The following RELCH variants were observed in gnomAD, a reference collection of about 807,000 sequenced individuals.
RELCH encodes RAB11 binding and LisH domain, coiled-coil and HEAT repeat containing.
Under a neutral mutation model 150.3 loss-of-function variants are expected in RELCH, and 41 were observed. That is an observed-to-expected ratio of 0.27 (90% confidence interval 0.21 to 0.35). The LOEUF (loss-of-function observed/expected upper bound fraction) is 0.35, where lower values mean the gene tolerates loss of function less well. Among genes scored for constraint, RELCH ranks in the 10% least tolerant of loss-of-function variants. The probability of loss-of-function intolerance (pLI) is 1.00; values close to 1 mark genes in which losing one functional copy is unlikely to be tolerated. For synonymous variants in RELCH, 478 were observed against 531.8 expected (o/e 0.90, Z 1.39); for missense variants, 1,092 against 1,467.8 (o/e 0.74, Z 4.18).
chr18:62,211,538 T>C (rs901700962), intron 2 of RELCH, among the ~76,000 whole-genome samples: 1 of 152,172 alleles, frequency 6.6e-6, no homozygotes, highest in Non-Finnish European at 1.5e-5. Context: ...CAAGACAAAG[T>C]TGAACCTTAG....
At chr18:62,271,392 T>C (rs1365420718) in intron 20 of RELCH, among the ~76,000 whole-genome samples, 3 of 152,214 alleles carry the variant, frequency 2.0e-5, no homozygotes, top group African/African-American at 4.8e-5. Flanking sequence ...ATGTCTTCTT[T>C]TGAGAAGTGT....
intron 25 of RELCH, among the ~76,000 whole-genome samples, chr18:62,286,366 T>A (rs2145004169): frequency 6.6e-6 from 1 of 152,254 alleles, no homozygotes; most frequent in South Asian, 2.1e-4. Context: ...AGTCAAAAGG[T>A]CCCCTAAAAA....
chr18:62,222,499 A>G (rs2040942730), intron 5 of RELCH, among the ~76,000 whole-genome samples: 1 of 151,892 alleles, frequency 6.6e-6, no homozygotes, highest in Non-Finnish European at 1.5e-5. Flanking sequence ...AAAGAGGAAA[A>G]GAGGAGCAAA....
chr18:62,214,540 C>T (rs994955882), intron 2 of RELCH, among the ~76,000 whole-genome samples: 1 of 152,170 alleles, frequency 6.6e-6, no homozygotes, highest in African/African-American at 2.4e-5. Flanking sequence ...TCCCACAGCT[C>T]CTCTTGACAT....
At chr18:62,243,386 C>G (rs2042246811) in intron 10 of RELCH, among the ~76,000 whole-genome samples, 1 of 152,156 alleles carries the variant, frequency 6.6e-6, no homozygotes, top group Admixed American at 6.5e-5. Context: ...TGCTCTGTCT[C>G]TCATTCCCAG....
At chr18:62,237,425 G>A (rs900297003) in intron 10 of RELCH, among the ~76,000 whole-genome samples, 8 of 151,612 alleles carry the variant, frequency 5.3e-5, no homozygotes, top group African/African-American at 1.2e-4. Flanking sequence ...ATATTCCTTC[G>A]GAGATACTTT....
intron 10 of RELCH, among the ~76,000 whole-genome samples, chr18:62,239,248 A>G (rs2042022275): frequency 1.3e-5 from 2 of 152,072 alleles, no homozygotes; most frequent in South Asian, 4.1e-4. Context: ...CCTGGAAATT[A>G]TAGATATTTA....
chr18:62,264,677 A>G, intron 17 of RELCH, 52 bp from the exon 18 acceptor site: 4 of 1,375,596 alleles, frequency 2.9e-6, no homozygotes, highest in East Asian at 4.6e-5. Context: ...TTGGCAAGGA[A>G]ACAGTAATTT....
In RELCH at chr18:62,191,015, A is replaced by T. The variant is rs553028944; in HGVS notation, c.526+2984A>T. Among the ~76,000 whole-genome samples, 4 of 152,336 alleles carry T rather than the reference A, an allele frequency of 2.6e-5. No individual in the cohort carries two copies. In the South Asian group the frequency reaches 8.3e-4, roughly 32 times the overall value. On this transcript the variant is annotated intron_variant, in intron 1 of 28. Transcript: ENST00000644646. ...GTGTATCTGCCTTCAGCATGTTTTTAAAAGTCATCTATGTCTTTGTGTGTA... is the reference window on the plus strand; with the variant it reads ...GTGTATCTGCCTTCAGCATGTTTTTTAAAGTCATCTATGTCTTTGTGTGTA...
intron 26 of RELCH, among the ~76,000 whole-genome samples, chr18:62,288,473 G>C (rs2044936245): frequency 6.6e-6 from 1 of 151,970 alleles, no homozygotes; most frequent in African/African-American, 2.4e-5. Context: ...AGTTATTTTT[G>C]TTCAGAATAA....
rs866590441 is a variant in RELCH at position 62,267,434 on chromosome 18, A to G, written c.2680+685A>G. Reference sequence around the variant, plus strand: ...ATATATATAGTCTAGGTATATATGTATGTGTGTGTGTGTGTGTGTGTATAG... The same window carrying G: ...ATATATATAGTCTAGGTATATATGTGTGTGTGTGTGTGTGTGTGTGTATAG... On this transcript the variant is annotated intron_variant, in intron 19 of 28. Coordinates refer to ENST00000644646, the MANE Select transcript of RELCH (RefSeq NM_001346231.2). Among the ~76,000 whole-genome samples the G allele has an allele frequency of 2.2e-3, 314 of 143,498 alleles. 3 individuals are homozygous for G. Among genetic ancestry groups the G allele is most frequent in the African/African-American group, 7.7e-3 (298 of 38,844 alleles). 94.1% of individuals were successfully genotyped at this position (143,498 alleles called of 152,430 possible).
intron 10 of RELCH, among the ~76,000 whole-genome samples, chr18:62,240,741 CT>C: frequency 6.6e-6 from 1 of 152,148 alleles, no homozygotes; most frequent in East Asian, 1.9e-4. Context: ...AAATATTTCA[CT>C]TCAATACACA....
In RELCH at chr18:62,251,617, GATC is replaced by G. The variant is rs556005061; in HGVS notation, c.1734-1044_1734-1042del. ...GCCCAGTCTGCACTCAAAGAGATGC[GATC>G]ATTGAGAGTCATGTCAGAAACTACC... On this transcript the variant is annotated intron_variant, in intron 11 of 28. Transcript: ENST00000644646. Among the ~76,000 whole-genome samples the G allele has an allele frequency of 2.0e-5, 3 of 152,276 alleles. No homozygotes were observed. The East Asian group carries it at 5.8e-4, about 29-fold the overall frequency.
chr18:62,227,423 T>A lies in RELCH; in HGVS notation c.993T>A (p.Asp331Glu). ...ATGTGGCCAGTGGAGTAGAAGAAGATGAATTAGAGGCCCTTACACCAATTA... is the reference window on the plus strand; with the variant it reads ...ATGTGGCCAGTGGAGTAGAAGAAGAAGAATTAGAGGCCCTTACACCAATTA... ...LVDVASGVEEDELEALTPIIS... is the reference protein window; with the variant it reads ...LVDVASGVEEEELEALTPIIS... The change falls in exon 6 of 29, where the codon GAT becomes GAA. Residue 331 changes from aspartate to glutamate, a missense_variant. Asp to Glu is a conservative substitution (Grantham distance 45). Around this residue, in one of 4 missense-constraint regions of RELCH, gnomAD observed 57 missense variants for 41.5 expected, o/e 1.37. Transcript: ENST00000644646. 6.2e-7 allele frequency: 1 copy of A among 1,613,342 alleles called. No homozygotes were observed. Among genetic ancestry groups the A allele is most frequent in the Non-Finnish European group, 8.5e-7 (1 of 1,179,610 alleles).
chr18:62,221,635 C>G (rs2040882379), intron 5 of RELCH, 138 bp downstream of exon 5: 3 of 452,206 alleles, frequency 6.6e-6, no homozygotes, highest in Non-Finnish European at 1.2e-5. Context: ...GAACAGCAGT[C>G]TCTTGCCTGA....
chr18:62,275,525 T>C (rs1357262884), intron 22 of RELCH, 52 bp downstream of exon 22: 3 of 1,205,570 alleles, frequency 2.5e-6, no homozygotes, highest in Non-Finnish European at 3.7e-6. Flanking sequence ...TTTTTTTTTT[T>C]TGCGAAGAAG....
chr18:62,242,932 G>T (rs1457929967), intron 10 of RELCH, among the ~76,000 whole-genome samples: 1 of 152,060 alleles, frequency 6.6e-6, no homozygotes, highest in African/African-American at 2.4e-5. Context: ...GGGAAAAATA[G>T]TATGAGAAGT....
intron 27 of RELCH, among the ~76,000 whole-genome samples, chr18:62,297,261 A>G (rs576391787): frequency 6.6e-6 from 1 of 152,324 alleles, no homozygotes; most frequent in East Asian, 1.9e-4. Flanking sequence ...TACAGGAGAA[A>G]AAAGATCAAC....
rs747321465 is a variant in RELCH at position 62,228,299 on chromosome 18, C to G, written c.1155-6C>G. 26 of 1,599,492 alleles carry G rather than the reference C, an allele frequency of 1.6e-5. No homozygotes were observed. In the East Asian group the frequency reaches 5.8e-4, roughly 36 times the overall value. On this transcript the variant is annotated splice_region_variant and splice_polypyrimidine_tract_variant and intron_variant, in intron 7 of 28. Coordinates refer to ENST00000644646, the MANE Select transcript of RELCH (RefSeq NM_001346231.2). ...TGGTGATTTCTCTTAATTTCTCTTT[C>G]TACAGTGAAATGGACTTCCTCAAAA...
Sources: gnomAD v4.1 joint callset for allele counts (sites outside exome capture counted in the v4.1 genomes callset) on GRCh38, gnomAD v4.1.1 for gene constraint, gnomAD v4.1.1 regional missense constraint, MANE v1.5 for transcripts, NCBI Gene and HGNC (gene_info 2026-07-23, HGNC 2026-07-21) for gene names.